Variants in PAK4 observed in about 807,000 individuals in gnomAD.
PAK4 encodes the protein p21 (RAC1) activated kinase 4.
PAK4 carries 49 observed loss-of-function variants against 53.5 expected under a neutral mutation model. The ratio of observed to expected loss-of-function variants is 0.92; its 90% confidence interval spans 0.73 to 1.16. PAK4 has a LOEUF of 1.16. PAK4 is among the 50% of genes most tolerant of loss of function. PAK4 has a pLI of 0.00. For missense variants in PAK4, 824 were observed against 850.7 expected (o/e 0.97, Z 0.39); for synonymous variants, 376 against 375.6 (o/e 1.00, Z -0.01).
chr19:39,144,141 CAGATAGAT>C (rs71167643), intron 1 of PAK4, among the ~76,000 whole-genome samples: 2 of 143,946 alleles, frequency 1.4e-5, no homozygotes, highest in African/African-American at 5.3e-5. Context: ...GACAGACAGA[CAGATAGAT>C]AGATAGATAG....
At position 39,135,966 on chromosome 19, in the gene PAK4, C is replaced by T. The variant is rs893101314; in HGVS notation, c.-23+10047C>T. ...TACATGACAATGTAACCTGGTGCTG[C>T]GGGCTCCTCTTCCTTGTCACTCCCC... On this transcript the variant is annotated intron_variant, in intron 1 of 8. Coordinates refer to ENST00000358301, the Ensembl canonical transcript of PAK4. Among the ~76,000 whole-genome samples, 17 of 151,434 alleles carry T rather than the reference C, an allele frequency of 1.1e-4. No individual in the cohort carries two copies. The East Asian group carries it at 3.1e-3, about 28-fold the overall frequency.
At chr19:39,132,417 CT>C (rs1024946408) in intron 1 of PAK4, among the ~76,000 whole-genome samples, 1 of 152,250 alleles carries the variant, frequency 6.6e-6, no homozygotes, top group African/African-American at 2.4e-5. Context: ...GTGCCCGCCC[CT>C]CCCTTTTGTT....
intron 1 of PAK4, among the ~76,000 whole-genome samples, chr19:39,165,376 A>C (rs930689087): frequency 6.8e-6 from 1 of 147,530 alleles, no homozygotes; most frequent in Non-Finnish European, 1.5e-5. Context: ...TTAGCCGGGC[A>C]TGGTGGTGGG....
intron 1 of PAK4, among the ~76,000 whole-genome samples, chr19:39,165,346 CAAAAA>C (rs59682991): frequency 3.2e-5 from 3 of 92,644 alleles, no homozygotes; most frequent in Non-Finnish European, 6.5e-5. Flanking sequence ...ACTAAAAATA[CAAAAA>C]AAAAAAAAAA....
At chr19:39,176,397 C>G (rs975998535) in intron 6 of PAK4, 193 bp from the exon 8 acceptor site, 12 of 704,690 alleles carry the variant, frequency 1.7e-5, no homozygotes, top group Middle Eastern at 3.4e-4. Context: ...GTGACTTGCC[C>G]GAGGGCCCCC....
At position 39,127,349 on chromosome 19, in the gene PAK4, C is replaced by G. The variant is rs1056010229; in HGVS notation, c.-23+1430C>G. 6.6e-5 allele frequency among the ~76,000 whole-genome samples: 10 copies of G among 152,148 alleles called. No individual in the cohort carries two copies. The South Asian group carries it at 8.3e-4, about 13-fold the overall frequency. ...CCGGTCTTTGACCTTCCTGTTCCTTCTGCTGGGAATCCTTTCCCCACCCTG... is the reference window on the plus strand; with the variant it reads ...CCGGTCTTTGACCTTCCTGTTCCTTGTGCTGGGAATCCTTTCCCCACCCTG... On this transcript the variant is annotated intron_variant, in intron 1 of 8. Transcript: ENST00000358301.
At chr19:39,141,130 G>A (rs779838889) in intron 1 of PAK4, among the ~76,000 whole-genome samples, 4 of 152,136 alleles carry the variant, frequency 2.6e-5, no homozygotes, top group Admixed American at 6.5e-5. Flanking sequence ...ATAGTCTCGC[G>A]CCCTCCTGGG....
At chr19:39,170,023 C>T (rs1412478779) in intron 2 of PAK4, among the ~76,000 whole-genome samples, 1 of 152,132 alleles carries the variant, frequency 6.6e-6, no homozygotes. Flanking sequence ...CCAAGCTCTG[C>T]TGTCTCCCGC....
chr19:39,140,873 T>C (rs1187018289), intron 1 of PAK4, among the ~76,000 whole-genome samples: 1 of 152,144 alleles, frequency 6.6e-6, no homozygotes, highest in Non-Finnish European at 1.5e-5. Flanking sequence ...CCAGGGTTGC[T>C]GGGAGGATGA....
chr19:39,144,161 T>TAGACAGACAGACAGACAGACAGACAGA (rs1555775710), intron 1 of PAK4, among the ~76,000 whole-genome samples: 3 of 87,170 alleles, frequency 3.4e-5, no homozygotes, highest in Non-Finnish European at 7.6e-5. Context: ...GATAGATAGA[T>TAGACAGACAGACAGACAGACAGACAGA]TAGATTAGAT....
At chr19:39,139,456 G>A (rs1205303631) in intron 1 of PAK4, among the ~76,000 whole-genome samples, 3 of 152,262 alleles carry the variant, frequency 2.0e-5, no homozygotes, top group Middle Eastern at 6.8e-3. Context: ...GCTTGGAGGC[G>A]GCTGGACCAG....
intron 1 of PAK4, among the ~76,000 whole-genome samples, chr19:39,131,466 G>A (rs920087347): frequency 2.6e-5 from 4 of 152,212 alleles, no homozygotes; most frequent in South Asian, 2.1e-4. Flanking sequence ...GCCCAGCCCC[G>A]CACATGCTGC....
At chr19:39,157,400 C>T (rs558879194) in intron 1 of PAK4, among the ~76,000 whole-genome samples, 4 of 152,162 alleles carry the variant, frequency 2.6e-5, no homozygotes, top group African/African-American at 9.6e-5. Context: ...TCTCTGGGTG[C>T]ACGAGTCTTT....
In PAK4 at chr19:39,145,139, A is replaced by G. The variant is rs73930299; in HGVS notation, c.-23+19220A>G. 8.2e-3 allele frequency among the ~76,000 whole-genome samples: 1,244 copies of G among 152,200 alleles called. 26 individuals are homozygous for G. The highest frequency in any genetic ancestry group is 0.028 in the African/African-American group (1,171 of 41,534). On this transcript the variant is annotated intron_variant, in intron 1 of 8. Transcript: ENST00000358301. Reference sequence around the variant, plus strand: ...TTTTTGGTGAATTGTGAAAGATTTCAGACACCCCCAAGAGAAGAGAGAATC... The same window carrying G: ...TTTTTGGTGAATTGTGAAAGATTTCGGACACCCCCAAGAGAAGAGAGAATC...
intron 1 of PAK4, among the ~76,000 whole-genome samples, chr19:39,154,168 C>A (rs935231431): frequency 6.6e-6 from 1 of 152,114 alleles, no homozygotes; most frequent in African/African-American, 2.4e-5. Flanking sequence ...AGTCTCTTCT[C>A]GCGTGTGCTC....
In PAK4 at chr19:39,172,903, T is replaced by C. The variant is rs547564978; in HGVS notation, c.205-15T>C. On this transcript the variant is annotated splice_polypyrimidine_tract_variant and intron_variant, in intron 2 of 8. Transcript: ENST00000358301. ...TCCTTGCTGGGCCCCCACCCACCAT[T>C]GCCTGGGACCCCAGACCATCGTGCG... The C allele has an allele frequency of 9.2e-6, 14 of 1,514,146 alleles. No individual in the cohort carries two copies. In the South Asian group the frequency reaches 1.6e-4, roughly 18 times the overall value. 93.8% of individuals were successfully genotyped at this position (1,514,146 alleles called of 1,614,324 possible). A position where few individuals can be genotyped will look rare whatever the true frequency, so the allele number is the denominator to read the frequency against.
At position 39,175,292 on chromosome 19, in the gene PAK4, C is replaced by T; in HGVS notation, c.1233-20C>T. On this transcript the variant is annotated intron_variant, in intron 5 of 8. Transcript: ENST00000358301. This position sits in a 1 kb window ranked among gnomAD's most constrained non-coding sequence, Gnocchi z 4.7. ...GGGGTGCTGTCCAGCTGGCTGCTCA[C>T]CCCCCACCCCACCCCGCAGGATGAA... 2 of 1,560,060 alleles carry T rather than the reference C, an allele frequency of 1.3e-6. No individual in the cohort carries two copies. The highest frequency in any genetic ancestry group is 1.7e-6 in the Non-Finnish European group (2 of 1,150,324).
In PAK4 at chr19:39,173,651, TCCCGGCCTCCCA is replaced by T. The variant is rs2074537008; in HGVS notation, c.744_755del (p.Pro249_Arg252del). ...CATCCCCCAGTCCTCCTCCTCCTCC[TCCCGGCCTCCCA>T]CCCGAGCCCGAGGTGCCCCCAGCCC... On this transcript the variant is annotated inframe_deletion, in exon 4 of 9. Transcript: ENST00000358301. This position sits in a 1 kb window ranked among gnomAD's most constrained non-coding sequence, Gnocchi z 6.9. 3.2e-6 allele frequency: 5 copies of T among 1,577,286 alleles called. No homozygotes were observed. In the South Asian group the frequency reaches 5.8e-5, roughly 18 times the overall value.
chr19:39,132,681 C>T (rs757398947), intron 1 of PAK4, among the ~76,000 whole-genome samples: 1 of 152,214 alleles, frequency 6.6e-6, no homozygotes, highest in Non-Finnish European at 1.5e-5. Context: ...CTTGTGGCCT[C>T]GTGGTCTGAG....
Sources: allele counts gnomAD v4.1 joint callset (sites outside exome capture counted in the v4.1 genomes callset), GRCh38; gene constraint gnomAD v4.1.1; non-coding constraint Gnocchi (gnomAD v3.1); transcripts MANE v1.5; gene names NCBI Gene and HGNC (gene_info 2026-07-23, HGNC 2026-07-21).